The following SMYD3 variants were observed in gnomAD, a reference collection of about 807,000 sequenced individuals.
SMYD3 encodes histone-lysine N-methyltransferase SMYD3.
SMYD3 carries 36 observed loss-of-function variants against 57.7 expected under a neutral mutation model. The ratio of observed to expected loss-of-function variants is 0.62; its 90% CI spans 0.48 to 0.82. SMYD3 has a LOEUF of 0.82. Ranked by LOEUF, SMYD3 falls within the 40% of genes least tolerant of loss-of-function variation. SMYD3 has a pLI of 0.00. For synonymous variants in SMYD3, 211 were observed against 195.0 expected, an observed-to-expected ratio of 1.08 and a Z score of -0.68; for missense variants, 515 against 538.8, an observed-to-expected ratio of 0.96 and a Z score of 0.44.
intron 5 of SMYD3, among the ~76,000 whole-genome samples, chr1:245,965,478 G>C (rs947552167): frequency 6.6e-6 from 1 of 152,130 alleles, no homozygotes; most frequent in Non-Finnish European, 1.5e-5. Context: ...TCCAAAACTT[G>C]GAAGCAACCA....
intron 5 of SMYD3, among the ~76,000 whole-genome samples, chr1:246,155,002 C>T (rs1008580951): frequency 6.6e-6 from 1 of 151,948 alleles, no homozygotes; most frequent in Non-Finnish European, 1.5e-5. Context: ...AGGATGGTCT[C>T]GAGCTCCTGA....
At chr1:246,474,535 A>T (rs894805029) in intron 1 of SMYD3, among the ~76,000 whole-genome samples, 1 of 151,872 alleles carries the variant, frequency 6.6e-6, no homozygotes, top group Admixed American at 6.6e-5. Context: ...AAAAAAAAAA[A>T]AAAAAAGAAA....
chr1:246,157,344 C>G (rs531784873), intron 5 of SMYD3, among the ~76,000 whole-genome samples: 6 of 152,250 alleles, frequency 3.9e-5, no homozygotes, highest in African/African-American at 1.2e-4. Flanking sequence ...GCCCTCTTGT[C>G]CCAGAGCCCA....
intron 1 of SMYD3, among the ~76,000 whole-genome samples, chr1:246,395,233 C>T (rs549179117): frequency 4.6e-5 from 7 of 152,192 alleles, no homozygotes; most frequent in Non-Finnish European, 7.3e-5. Context: ...CAAACCAGAA[C>T]CAAATAGCAT....
chr1:246,218,528 G>T (rs904747899), intron 5 of SMYD3, among the ~76,000 whole-genome samples: 1 of 152,066 alleles, frequency 6.6e-6, no homozygotes, highest in East Asian at 1.9e-4. Flanking sequence ...GGCTGAGGCA[G>T]GAGAATGGCC....
intron 1 of SMYD3, among the ~76,000 whole-genome samples, chr1:246,421,775 C>G (rs914990098): frequency 1.9e-4 from 29 of 152,240 alleles, no homozygotes; most frequent in African/African-American, 6.3e-4. Flanking sequence ...CCCCAAACAT[C>G]AAGTGCAATG....
intron 5 of SMYD3, among the ~76,000 whole-genome samples, chr1:246,227,336 C>T (rs572296050): frequency 1.3e-5 from 2 of 152,334 alleles, no homozygotes; most frequent in Admixed American, 1.3e-4. Flanking sequence ...ACAACTTTGG[C>T]CGGGTGCGGC....
rs1305988352 is a variant in SMYD3, at chr1:245,764,117, CCT to C, written c.1107_1108del (p.Val371SerfsTer27). ...TTTGCCAACTTTCATCACTTGAACC[CCT>C]CTGACGGGATGGCTTCCTGGGAAAA... On this transcript the variant is annotated frameshift_variant, in exon 11 of 12. Transcript: ENST00000490107. LOFTEE classifies it high-confidence loss of function. 2 of 1,614,036 alleles carry C rather than the reference CCT, an allele frequency of 1.2e-6. No individual in the cohort carries two copies. Among genetic ancestry groups the C allele is most frequent in the Non-Finnish European group, 1.7e-6 (2 of 1,179,996 alleles).
chr1:246,282,575 C>A (rs904872053), intron 5 of SMYD3, among the ~76,000 whole-genome samples: 2 of 147,760 alleles, frequency 1.4e-5, no homozygotes. Flanking sequence ...ATGTATTTTT[C>A]TTTTCTTTTG....
At chr1:245,996,281 T>C (rs958348116) in intron 5 of SMYD3, among the ~76,000 whole-genome samples, 2 of 152,316 alleles carry the variant, frequency 1.3e-5, no homozygotes, top group East Asian at 3.9e-4. Context: ...TGTTGGCTGA[T>C]GGGTGACAAA....
At chr1:246,080,319 T>C (rs540774480) in intron 5 of SMYD3, among the ~76,000 whole-genome samples, 1 of 151,944 alleles carries the variant, frequency 6.6e-6, no homozygotes, top group South Asian at 2.1e-4. Context: ...CCACTGGAGC[T>C]CAGAAAAGTG....
At chr1:246,200,068 ATAGAG>A (rs1038737513) in intron 5 of SMYD3, among the ~76,000 whole-genome samples, 1 of 152,084 alleles carries the variant, frequency 6.6e-6, no homozygotes, top group Non-Finnish European at 1.5e-5. Context: ...ACCCACTGTG[ATAGAG>A]TAGAGGAGAA....
intron 1 of SMYD3, among the ~76,000 whole-genome samples, chr1:246,476,818 C>A (rs2068035772): frequency 6.6e-6 from 1 of 152,156 alleles, no homozygotes; most frequent in Admixed American, 6.5e-5. Context: ...TGCAGACAAG[C>A]TTTTCCAGTT....
chr1:246,007,440 C>T (rs2059195027), intron 5 of SMYD3, among the ~76,000 whole-genome samples: 1 of 152,052 alleles, frequency 6.6e-6, no homozygotes. Context: ...GATTCATTCA[C>T]CTGGCACTTT....
At chr1:245,918,570 G>A (rs1025635410) in intron 7 of SMYD3, among the ~76,000 whole-genome samples, 1 of 152,148 alleles carries the variant, frequency 6.6e-6, no homozygotes, top group African/African-American at 2.4e-5. Flanking sequence ...AGGCACAAAG[G>A]GTCACCTATA....
chr1:245,867,773 T>C (rs2051960821), intron 8 of SMYD3, among the ~76,000 whole-genome samples: 1 of 151,994 alleles, frequency 6.6e-6, no homozygotes, highest in South Asian at 2.1e-4. Context: ...AACAGGATGA[T>C]CGGGGAAGGT....
At chr1:246,462,236 CGGGGCCTGCT>C (rs2067809968) in intron 1 of SMYD3, among the ~76,000 whole-genome samples, 1 of 58,748 alleles carries the variant, frequency 1.7e-5, no homozygotes, top group East Asian at 8.3e-4. Flanking sequence ...CATCCTCCCG[CGGGGCCTGCT>C]GGGTACAGTG....
At chr1:245,818,235 G>T (rs1381048255) in intron 10 of SMYD3, among the ~76,000 whole-genome samples, 1 of 152,168 alleles carries the variant, frequency 6.6e-6, no homozygotes, top group Admixed American at 6.5e-5. Flanking sequence ...AGAGTGGGGA[G>T]CAATATTCAA....
At chr1:246,350,286 C>G (rs1448189700) in intron 2 of SMYD3, among the ~76,000 whole-genome samples, 1 of 152,148 alleles carries the variant, frequency 6.6e-6, no homozygotes, top group Non-Finnish European at 1.5e-5. Context: ...AAGTCAGGAC[C>G]TTATTTACTT....
Sources: gnomAD v4.1 joint callset for allele counts (sites outside exome capture counted in the v4.1 genomes callset) on GRCh38, gnomAD v4.1.1 for gene constraint, MANE v1.5 for transcripts, NCBI Gene and HGNC (gene_info 2026-07-23, HGNC 2026-07-21) for gene names.